The following CD44 variants were observed in gnomAD, a reference collection of about 807,000 sequenced individuals.
CD44 encodes CD44 antigen.
Under a neutral mutation model 88.8 loss-of-function variants are expected in CD44, and 49 were observed. The observed-to-expected ratio is 0.55, with a 90% CI of 0.44 to 0.70. The LOEUF (loss-of-function observed/expected upper bound fraction) is 0.70, where lower values mean the gene tolerates loss of function less well. CD44 is among the 30% of genes least tolerant of loss of function. The probability of loss-of-function intolerance (pLI) is 0.00; values close to 1 mark genes in which losing one functional copy is unlikely to be tolerated. For synonymous variants in CD44, 325 were observed against 312.3 expected (o/e 1.04, Z -0.43); for missense variants, 883 against 913.8 (o/e 0.97, Z 0.43).
chr11:35,177,672 A>G (rs1944604031), intron 2 of CD44, among the ~76,000 whole-genome samples: 1 of 152,236 alleles, frequency 6.6e-6, no homozygotes, highest in African/African-American at 2.4e-5. Flanking sequence ...AAGTGCTTCT[A>G]TCCTCCAACA....
intron 1 of CD44, among the ~76,000 whole-genome samples, chr11:35,169,843 T>C (rs569372145): frequency 1.3e-4 from 20 of 152,268 alleles, no homozygotes; most frequent in Admixed American, 7.8e-4. Context: ...AGAGAATGCA[T>C]AGTACCTGTA....
intron 11 of CD44, among the ~76,000 whole-genome samples, chr11:35,206,846 A>G (rs908347482): frequency 6.6e-6 from 1 of 152,262 alleles, no homozygotes; most frequent in African/African-American, 2.4e-5. Flanking sequence ...GACCCAGCAC[A>G]CATGAGTTTG....
intron 3 of CD44, among the ~76,000 whole-genome samples, chr11:35,184,261 A>T (rs781558024): frequency 6.6e-6 from 1 of 152,250 alleles, no homozygotes; most frequent in Non-Finnish European, 1.5e-5. Context: ...GAATTGGAGC[A>T]TGAAGGGGGT....
At chr11:35,177,689 A>G (rs1041436186) in intron 2 of CD44, among the ~76,000 whole-genome samples, 16 of 152,242 alleles carry the variant, frequency 1.1e-4, no homozygotes, top group African/African-American at 3.9e-4. Context: ...AACACTGGGT[A>G]CAGTCATGCA....
chr11:35,145,899 C>T (rs116073468), intron 1 of CD44, among the ~76,000 whole-genome samples: 2,115 of 152,316 alleles, frequency 0.014, 46 homozygotes, highest in African/African-American at 0.048. Context: ...TCCTGACATC[C>T]GACGGGGAGC....
intron 15 of CD44, among the ~76,000 whole-genome samples, chr11:35,217,789 C>T (rs532296189): frequency 6.6e-6 from 1 of 152,082 alleles, no homozygotes; most frequent in South Asian, 2.1e-4. Flanking sequence ...CAGTGGGCTT[C>T]CATTTGGTAG....
At chr11:35,219,545 A>G (rs779764630) in intron 16 of CD44, among the ~76,000 whole-genome samples, 158 bp downstream of exon 16, 1 of 152,250 alleles carries the variant, frequency 6.6e-6, no homozygotes, top group Non-Finnish European at 1.5e-5. Context: ...GAATGAGAAT[A>G]CTACACCCTC....
chr11:35,141,589 TC>T (rs988030566), intron 1 of CD44, among the ~76,000 whole-genome samples: 77 of 152,284 alleles, frequency 5.1e-4, no homozygotes, highest in African/African-American at 1.8e-3. Context: ...CCAACCTGTC[TC>T]CCCGTTCCTT....
chr11:35,142,179 T>A (rs140218033), intron 1 of CD44, among the ~76,000 whole-genome samples: 1 of 151,798 alleles, frequency 6.6e-6, no homozygotes, highest in Non-Finnish European at 1.5e-5. Flanking sequence ...GGTGAGGGGA[T>A]CTTTTTTTTT....
Position 35,139,223 on chromosome 11 carries a change from C to T in CD44, c.-81C>T. 1 of 1,135,508 alleles carries T rather than the reference C, an allele frequency of 8.8e-7. No homozygotes were observed. The allele number at this position is 1,135,508 out of a possible 1,614,324, so 70.3% of individuals were successfully genotyped here. A position where few individuals can be genotyped will look rare whatever the true frequency, so the allele number is the denominator to read the frequency against. On this transcript the variant is annotated 5_prime_UTR_variant, in exon 1 of 18. Transcript: ENST00000428726. ...GCCAGGTTCGGTCCGCCATCCTCGT[C>T]CCGTCCTCCGCCGGCCCCTGCCCCG...
intron 11 of CD44, among the ~76,000 whole-genome samples, chr11:35,207,735 C>A (rs2134138538): frequency 6.6e-6 from 1 of 152,260 alleles, no homozygotes; most frequent in Admixed American, 6.5e-5. Flanking sequence ...TAAAATGGTG[C>A]CTGAGCCAGC....
intron 1 of CD44, among the ~76,000 whole-genome samples, chr11:35,154,619 C>T (rs539465839): frequency 1.3e-4 from 20 of 152,250 alleles, no homozygotes; most frequent in South Asian, 4.2e-4. Flanking sequence ...CTCTCAATGA[C>T]GATGATAACA....
Position 35,219,466 on chromosome 11 carries a change from A to G in CD44, c.1945+79A>G, listed in dbSNP as rs904571394. ...TGTCCCAGCAAGGACGAAGAGACTCATTTGAAAGCACATTCTCCACAATGC... is the reference window on the plus strand; with the variant it reads ...TGTCCCAGCAAGGACGAAGAGACTCGTTTGAAAGCACATTCTCCACAATGC... On this transcript the variant is annotated intron_variant, in intron 16 of 17. Transcript: ENST00000428726. 6.1e-6 allele frequency: 6 copies of G among 981,532 alleles called. No homozygotes were observed. In the African/African-American group the frequency reaches 9.6e-5, roughly 16 times the overall value. 60.8% of individuals were successfully genotyped at this position (981,532 alleles called of 1,614,324 possible).
At chr11:35,224,743 G>GCAAACAAA (rs370943848) in intron 17 of CD44, among the ~76,000 whole-genome samples, 1 of 151,870 alleles carries the variant, frequency 6.6e-6, no homozygotes, top group African/African-American at 2.4e-5. Flanking sequence ...AAACAAACAA[G>GCAAACAAA]CAAACAAACA....
intron 1 of CD44, among the ~76,000 whole-genome samples, chr11:35,164,794 A>G (rs1357870746): frequency 6.6e-6 from 1 of 152,230 alleles, no homozygotes; most frequent in East Asian, 1.9e-4. Flanking sequence ...AAATGATAAT[A>G]CTAAGCCTGG....
At chr11:35,219,787 A>G (rs778752552) in intron 16 of CD44, among the ~76,000 whole-genome samples, 3 of 152,184 alleles carry the variant, frequency 2.0e-5, no homozygotes, top group African/African-American at 2.4e-5. Flanking sequence ...TTTTCCTTTT[A>G]CGATTACAGA....
intron 1 of CD44, among the ~76,000 whole-genome samples, chr11:35,160,540 C>T (rs901371566): frequency 7.9e-5 from 12 of 152,210 alleles, no homozygotes; most frequent in Admixed American, 5.2e-4. Context: ...GTGTTTGTAG[C>T]GTAAGTGAGA....
chr11:35,182,552 C>T (rs1303531429), intron 3 of CD44, among the ~76,000 whole-genome samples: 1 of 152,168 alleles, frequency 6.6e-6, no homozygotes, highest in African/African-American at 2.4e-5. Context: ...CATACATACT[C>T]AGTTCCCATA....
intron 2 of CD44, among the ~76,000 whole-genome samples, chr11:35,179,470 G>A (rs117793839): frequency 1.3e-3 from 200 of 152,274 alleles, no homozygotes; most frequent in Non-Finnish European, 2.3e-3. Context: ...TGTGTATGTT[G>A]TATCTGTATG....
Sources: allele counts gnomAD v4.1 joint callset (sites outside exome capture counted in the v4.1 genomes callset), GRCh38; gene constraint gnomAD v4.1.1; transcripts MANE v1.5; gene names NCBI Gene and HGNC (gene_info 2026-07-23, HGNC 2026-07-21).